CNTN5: variants seen among roughly 807,000 people sequenced by gnomAD.
The protein encoded by CNTN5 is contactin-5.
CNTN5 carries 77 observed loss-of-function variants against 129.1 expected under a neutral mutation model. That is an observed-to-expected ratio of 0.60 (90% CI 0.50 to 0.72). The LOEUF (loss-of-function observed/expected upper bound fraction) is 0.72, where lower values mean the gene tolerates loss of function less well. Among genes scored for constraint, CNTN5 ranks in the 30% least tolerant of loss-of-function variants. The probability of loss-of-function intolerance (pLI) is 0.00; values close to 1 mark genes in which losing one functional copy is unlikely to be tolerated. For synonymous variants in CNTN5, 509 were observed against 465.6 expected (o/e 1.09, Z -1.20); for missense variants, 1,478 against 1,328.8 (o/e 1.11, Z -1.75).
At chr11:99,166,166 G>T (rs1440734973) in intron 1 of CNTN5, among the ~76,000 whole-genome samples, 1 of 152,096 alleles carries the variant, frequency 6.6e-6, no homozygotes, top group Non-Finnish European at 1.5e-5. Flanking sequence ...CACTTTGGGA[G>T]GCCAAAGCGG....
At chr11:99,524,065 T>C (rs181667819) in intron 2 of CNTN5, among the ~76,000 whole-genome samples, 74 of 152,184 alleles carry the variant, frequency 4.9e-4, no homozygotes, top group African/African-American at 1.6e-3. Context: ...TAGAAATAAA[T>C]AAATACCTAT....
intron 1 of CNTN5, among the ~76,000 whole-genome samples, chr11:99,137,176 C>G (rs2135451303): frequency 6.6e-6 from 1 of 152,274 alleles, no homozygotes; most frequent in Non-Finnish European, 1.5e-5. Flanking sequence ...GCTATGCATA[C>G]TTTGTGTGTT....
At chr11:100,035,547 C>T (rs545768119) in intron 9 of CNTN5, among the ~76,000 whole-genome samples, 5,721 of 145,000 alleles carry the variant, frequency 0.039, 132 homozygotes, top group African/African-American at 0.067. Flanking sequence ...AATCGCCACA[C>T]TGACTTCCAC....
At chr11:100,321,295 T>TA (rs1951690136) in intron 21 of CNTN5, among the ~76,000 whole-genome samples, 1 of 151,436 alleles carries the variant, frequency 6.6e-6, no homozygotes, top group South Asian at 2.1e-4. Flanking sequence ...CTAAGTATTT[T>TA]TTTTTTTTTT....
At chr11:100,006,954 G>A (rs1168660108) in intron 9 of CNTN5, among the ~76,000 whole-genome samples, 1 of 152,070 alleles carries the variant, frequency 6.6e-6, no homozygotes, top group South Asian at 2.1e-4. Context: ...TTTTGTGTTA[G>A]CAGGCATGAA....
chr11:99,681,036 C>G (rs1953528342), intron 3 of CNTN5, among the ~76,000 whole-genome samples: 1 of 151,842 alleles, frequency 6.6e-6, no homozygotes, highest in African/African-American at 2.4e-5. Context: ...GTAAAAATAT[C>G]AAGAACTAGA....
At chr11:99,422,392 T>G (rs1388910455) in intron 2 of CNTN5, among the ~76,000 whole-genome samples, 1 of 151,382 alleles carries the variant, frequency 6.6e-6, no homozygotes, top group Admixed American at 6.6e-5. Context: ...ATACACATTA[T>G]ATCAGGGGAA....
intron 3 of CNTN5, among the ~76,000 whole-genome samples, chr11:99,715,517 G>A (rs1193845787): frequency 1.3e-5 from 2 of 151,760 alleles, no homozygotes; most frequent in South Asian, 2.1e-4. Flanking sequence ...GGAATGAGAG[G>A]AAGAACAGGA....
chr11:100,056,220 C>T (rs182048117), intron 9 of CNTN5, among the ~76,000 whole-genome samples: 1 of 151,384 alleles, frequency 6.6e-6, no homozygotes, highest in East Asian at 1.9e-4. Context: ...TTGCTGTGAA[C>T]GTTCAATATG....
At chr11:99,375,323 A>AAAAG (rs1940108166) in intron 2 of CNTN5, among the ~76,000 whole-genome samples, 1 of 151,126 alleles carries the variant, frequency 6.6e-6, no homozygotes, top group Non-Finnish European at 1.5e-5. Flanking sequence ...AAAAAAAAAA[A>AAAAG]AAAGGAGAAA....
At chr11:99,279,024 A>C (rs1316197529) in intron 1 of CNTN5, among the ~76,000 whole-genome samples, 1 of 151,734 alleles carries the variant, frequency 6.6e-6, no homozygotes, top group Non-Finnish European at 1.5e-5. Flanking sequence ...GACATATTAT[A>C]ATGAAGAATC....
intron 7 of CNTN5, among the ~76,000 whole-genome samples, chr11:99,950,030 A>G (rs1950636180): frequency 6.6e-6 from 1 of 152,226 alleles, no homozygotes; most frequent in Non-Finnish European, 1.5e-5. Context: ...TTGTCTCCAA[A>G]GCATAAAAAA....
At chr11:100,103,980 T>C (rs1945324046) in intron 13 of CNTN5, among the ~76,000 whole-genome samples, 1 of 152,160 alleles carries the variant, frequency 6.6e-6, no homozygotes. Context: ...AGTCACAGAA[T>C]ATACTTTATC....
At chr11:99,841,582 AGG>A (rs1565592613) in intron 4 of CNTN5, among the ~76,000 whole-genome samples, 1 of 151,460 alleles carries the variant, frequency 6.6e-6, no homozygotes, top group African/African-American at 2.4e-5. Context: ...AGTGAGAAAA[AGG>A]GGAGGAGGAG....
chr11:99,310,260 A>T (rs1007771292), intron 1 of CNTN5, among the ~76,000 whole-genome samples: 1 of 152,206 alleles, frequency 6.6e-6, no homozygotes, highest in African/African-American at 2.4e-5. Context: ...ATTTTAAAGA[A>T]ATTTGGAAAT....
At chr11:100,038,449 T>C (rs1000267326) in intron 9 of CNTN5, among the ~76,000 whole-genome samples, 3 of 152,210 alleles carry the variant, frequency 2.0e-5, no homozygotes, top group Admixed American at 6.5e-5. Flanking sequence ...ATTCTGTTGA[T>C]TTGGGGTGGA....
At chr11:99,397,975 A>G (rs1232627261) in intron 2 of CNTN5, among the ~76,000 whole-genome samples, 1 of 151,830 alleles carries the variant, frequency 6.6e-6, no homozygotes, top group African/African-American at 2.4e-5. Context: ...TGTATTTCAC[A>G]TCTATATCTA....
intron 1 of CNTN5, among the ~76,000 whole-genome samples, chr11:99,211,454 A>T (rs932430407): frequency 1.3e-5 from 2 of 152,080 alleles, no homozygotes; most frequent in African/African-American, 4.8e-5. Context: ...TGTGAGTCAT[A>T]TGTGACATAT....
At chr11:99,488,003 C>G (rs1945882835) in intron 2 of CNTN5, among the ~76,000 whole-genome samples, 1 of 151,936 alleles carries the variant, frequency 6.6e-6, no homozygotes, top group South Asian at 2.1e-4. Context: ...GTATTTAATC[C>G]TACAATAATA....
Sources: gnomAD v4.1 joint callset for allele counts (sites outside exome capture counted in the v4.1 genomes callset) on GRCh38, gnomAD v4.1.1 for gene constraint, MANE v1.5 for transcripts, NCBI Gene and HGNC (gene_info 2026-07-23, HGNC 2026-07-21) for gene names.